The following CPNE4 variants were observed in gnomAD, a reference collection of about 807,000 sequenced individuals.
CPNE4 encodes the protein copine-4.
In CPNE4, 25 loss-of-function variants were observed where a neutral mutation model predicts 67.9. The observed-to-expected ratio is 0.37, with a 90% CI of 0.27 to 0.51. CPNE4 has a LOEUF of 0.51. CPNE4 is among the 20% of genes least tolerant of loss of function. The probability of loss-of-function intolerance (pLI) is 0.93; values close to 1 mark genes in which losing one functional copy is unlikely to be tolerated. For synonymous variants in CPNE4, 242 were observed against 244.9 expected (o/e 0.99, Z 0.11); for missense variants, 464 against 690.8 (o/e 0.67, Z 3.68).
intron 10 of CPNE4, among the ~76,000 whole-genome samples, chr3:131,574,771 T>C (rs1275217941): frequency 1.3e-5 from 2 of 152,148 alleles, no homozygotes; most frequent in African/African-American, 4.8e-5. Context: ...GACAGGCTAC[T>C]CTGCTTCATG....
At chr3:131,952,942 C>T (rs931669467) in intron 1 of CPNE4, among the ~76,000 whole-genome samples, 1 of 151,894 alleles carries the variant, frequency 6.6e-6, no homozygotes, top group Non-Finnish European at 1.5e-5. Context: ...GTGACCTTAC[C>T]CCCAACCCTG....
chr3:131,696,483 A>G, intron 5 of CPNE4, 59 bp downstream of exon 5: 3 of 1,500,044 alleles, frequency 2.0e-6, no homozygotes, highest in Non-Finnish European at 2.8e-6. Flanking sequence ...GGGAAATCTG[A>G]TTAAACTGTG....
intron 2 of CPNE4, among the ~76,000 whole-genome samples, chr3:131,845,173 T>A (rs1401402333): frequency 6.6e-6 from 1 of 152,228 alleles, no homozygotes; most frequent in Non-Finnish European, 1.5e-5. Flanking sequence ...TTTAAAATAC[T>A]GACCTCTGAC....
chr3:131,591,116 A>C (rs2107707357), intron 7 of CPNE4, among the ~76,000 whole-genome samples: 1 of 151,968 alleles, frequency 6.6e-6, no homozygotes, highest in East Asian at 1.9e-4. Context: ...GCATTCACAC[A>C]CTCCTTACCT....
chr3:132,031,790 T>C (rs573572973), intron 1 of CPNE4, among the ~76,000 whole-genome samples: 90 of 152,318 alleles, frequency 5.9e-4, no homozygotes, highest in Non-Finnish European at 9.9e-4. Flanking sequence ...AGAATAAAGA[T>C]TCCACCATTA....
In CPNE4 at chr3:132,018,097, G is replaced by A. The variant is rs1042609279; in HGVS notation, c.-2+16470C>T. 3.9e-5 allele frequency among the ~76,000 whole-genome samples: 6 copies of A among 152,224 alleles called. No homozygotes were observed. In the South Asian group the frequency reaches 6.2e-4, roughly 16 times the overall value. ...TCCTAAAAAAGAGCCTACCCAAGACGTCTCCATTTGCTCCCTTTTCCCTCT... is the reference window on the plus strand; with the variant it reads ...TCCTAAAAAAGAGCCTACCCAAGACATCTCCATTTGCTCCCTTTTCCCTCT... On this transcript the variant is annotated intron_variant, in intron 1 of 15. Transcript: ENST00000429747.
intron 13 of CPNE4, among the ~76,000 whole-genome samples, chr3:131,551,346 G>GT (rs1202730885): frequency 6.6e-6 from 1 of 152,050 alleles, no homozygotes; most frequent in African/African-American, 2.4e-5. Context: ...AGCTCCTTAT[G>GT]TTTTTTTGGT....
chr3:131,622,348 C>T (rs1940520373), intron 7 of CPNE4, among the ~76,000 whole-genome samples: 3 of 152,200 alleles, frequency 2.0e-5, no homozygotes, highest in African/African-American at 7.2e-5. Context: ...AGAATGGCAA[C>T]TTAAGTTTGC....
At chr3:131,958,632 T>TTTTTTTTTTTTTTTTTC (rs2072060171) in intron 1 of CPNE4, among the ~76,000 whole-genome samples, 1 of 76,616 alleles carries the variant, frequency 1.3e-5, no homozygotes. Flanking sequence ...TTTTTTTTTT[T>TTTTTTTTTTTTTTTTTC]TTTTTTTTTT....
chr3:131,540,156 T>C (rs1040616659), intron 15 of CPNE4, among the ~76,000 whole-genome samples: 5 of 152,180 alleles, frequency 3.3e-5, no homozygotes, highest in South Asian at 2.1e-4. Context: ...TGTGGGAAGA[T>C]TGACTGCTGT....
intron 2 of CPNE4, among the ~76,000 whole-genome samples, chr3:131,744,251 AATTT>A (rs1236268534): frequency 1.3e-5 from 2 of 152,086 alleles, no homozygotes; most frequent in African/African-American, 2.4e-5. Flanking sequence ...AAAATATAGA[AATTT>A]ATTAAAAAGT....
chr3:131,940,310 A>G (rs1204318601), intron 1 of CPNE4, among the ~76,000 whole-genome samples: 2 of 152,168 alleles, frequency 1.3e-5, no homozygotes, highest in East Asian at 1.9e-4. Flanking sequence ...GAAATATAGT[A>G]TGATGCCAAT....
chr3:131,549,037 A>G (rs1936027098), intron 14 of CPNE4, among the ~76,000 whole-genome samples: 5 of 152,148 alleles, frequency 3.3e-5, no homozygotes, highest in Admixed American at 3.3e-4. Context: ...GGAAGTAGAA[A>G]AGAAAACAAT....
chr3:131,762,505 T>C (rs149576740), intron 2 of CPNE4, among the ~76,000 whole-genome samples: 1 of 152,172 alleles, frequency 6.6e-6, no homozygotes, highest in Non-Finnish European at 1.5e-5. Context: ...TCTCAATATC[T>C]ATTTATGGAG....
intron 6 of CPNE4, among the ~76,000 whole-genome samples, chr3:131,682,119 A>C (rs184288682): frequency 5.3e-5 from 8 of 152,150 alleles, no homozygotes; most frequent in African/African-American, 1.9e-4. Context: ...CTTTTGTTCC[A>C]GGATTGGTCT....
At chr3:132,035,908 A>T (rs957059475), upstream of CPNE4, among the ~76,000 whole-genome samples, 13 of 152,142 alleles carry the variant, frequency 8.5e-5, no homozygotes, top group Admixed American at 3.9e-4. Context: ...CTTCCTTCTC[A>T]CCCTATTAAG....
intron 1 of CPNE4, among the ~76,000 whole-genome samples, chr3:131,980,161 T>G (rs1324908343): frequency 6.6e-6 from 1 of 152,202 alleles, no homozygotes; most frequent in African/African-American, 2.4e-5. Context: ...GATAACCTGA[T>G]GAAAATGTGC....
intron 7 of CPNE4, among the ~76,000 whole-genome samples, chr3:131,659,320 C>T (rs985876126): frequency 1.3e-5 from 2 of 152,054 alleles, no homozygotes; most frequent in Non-Finnish European, 2.9e-5. Flanking sequence ...ACTTTATCCA[C>T]GTCCCAGTTT....
intron 1 of CPNE4, among the ~76,000 whole-genome samples, chr3:131,916,205 A>G (rs1349691909): frequency 3.3e-5 from 5 of 152,196 alleles, no homozygotes; most frequent in Non-Finnish European, 7.3e-5. Flanking sequence ...AACTAAATTT[A>G]CCAAGTAGAA....
Sources: gnomAD v4.1 joint callset for allele counts (sites outside exome capture counted in the v4.1 genomes callset) on GRCh38, gnomAD v4.1.1 for gene constraint, MANE v1.5 for transcripts, NCBI Gene and HGNC (gene_info 2026-07-23, HGNC 2026-07-21) for gene names.